TUBGCP3: variants seen among roughly 807,000 people sequenced by gnomAD.
TUBGCP3 encodes the protein gamma-tubulin complex component 3.
TUBGCP3 carries 50 observed loss-of-function variants against 123.1 expected under a neutral mutation model. The observed-to-expected ratio is 0.41, with a 90% CI of 0.32 to 0.51. The LOEUF is 0.51. Among genes scored for constraint, TUBGCP3 ranks in the 20% least tolerant of loss-of-function variants. The pLI, the probability that TUBGCP3 is intolerant of heterozygous loss-of-function variation, is 0.36. For missense variants in TUBGCP3, 882 were observed against 1,127.0 expected (o/e 0.78, Z 3.11); for synonymous variants, 405 against 413.9 (o/e 0.98, Z 0.26).
intron 17 of TUBGCP3, among the ~76,000 whole-genome samples, chr13:112,505,200 A>G (rs749704164): frequency 2.0e-5 from 3 of 152,022 alleles, no homozygotes; most frequent in Non-Finnish European, 4.4e-5. Context: ...ACGAGCTCAG[A>G]CTCTCCTTTT....
chr13:112,570,380 T>C (rs547525431), intron 1 of TUBGCP3, among the ~76,000 whole-genome samples: 2 of 152,296 alleles, frequency 1.3e-5, no homozygotes, highest in South Asian at 2.1e-4. Context: ...CCAACCACCA[T>C]ATTAAAGAAA....
chr13:112,521,761 A>G, intron 14 of TUBGCP3: 1 of 985,396 alleles, frequency 1.0e-6, no homozygotes, highest in Non-Finnish European at 1.2e-6. Flanking sequence ...TGGGATGCTC[A>G]TGCCCAGGCT....
chr13:112,553,299 C>T (rs1344187975), intron 8 of TUBGCP3, among the ~76,000 whole-genome samples: 1 of 152,264 alleles, frequency 6.6e-6, no homozygotes, highest in African/African-American at 2.4e-5. Flanking sequence ...ACTCACCAGC[C>T]ACCCTCCTAC....
chr13:112,512,630 G>A (rs993308764), intron 17 of TUBGCP3, among the ~76,000 whole-genome samples: 11 of 152,062 alleles, frequency 7.2e-5, no homozygotes, highest in Non-Finnish European at 1.3e-4. Flanking sequence ...AGCTACTCAT[G>A]AGGATGAGGC....
chr13:112,496,989 A>C (rs959786674), intron 20 of TUBGCP3, among the ~76,000 whole-genome samples: 10 of 151,734 alleles, frequency 6.6e-5, no homozygotes, highest in Non-Finnish European at 4.4e-5. Context: ...CCCTCTCAAA[A>C]AAAAAAAAAA....
intron 14 of TUBGCP3, chr13:112,521,749 C>G: frequency 1.0e-6 from 1 of 985,380 alleles, no homozygotes; most frequent in Non-Finnish European, 1.2e-6. Flanking sequence ...GCTGTGGACC[C>G]CTGGGATGCT....
intron 13 of TUBGCP3, among the ~76,000 whole-genome samples, chr13:112,525,878 C>T (rs1231338173): frequency 6.6e-6 from 1 of 152,182 alleles, no homozygotes; most frequent in Non-Finnish European, 1.5e-5. Context: ...CCTATTCCAA[C>T]ACTTACTGTA....
chr13:112,604,256 T>A, the TUBGCP3 span: 2 of 152,244 alleles, frequency 1.3e-5, no homozygotes, highest in Admixed American at 1.3e-4. Flanking sequence ...TCTTTGGGTA[T>A]CTTTTAGTTT....
At chr13:112,596,059 T>C in the TUBGCP3 span, among the ~76,000 whole-genome samples, 3 of 152,212 alleles carry the variant, frequency 2.0e-5, no homozygotes, top group Non-Finnish European at 4.4e-5. Context: ...CGCAATCTCC[T>C]TTTATGTCCC....
intron 20 of TUBGCP3, among the ~76,000 whole-genome samples, chr13:112,498,079 GCACA>G (rs537989436): frequency 7.3e-4 from 110 of 151,720 alleles, no homozygotes; most frequent in African/African-American, 2.3e-3. Flanking sequence ...TATATGCAAA[GCACA>G]CACACAAACA....
In TUBGCP3 at chr13:112,522,322, T is replaced by TA; in HGVS notation, c.1742dup (p.Pro583ThrfsTer14). 6.4e-7 allele frequency: 1 copy of TA among 1,571,776 alleles called. No homozygotes were observed. Among genetic ancestry groups the TA allele is most frequent in the Non-Finnish European group, 8.7e-7 (1 of 1,150,036 alleles). On this transcript the variant is annotated frameshift_variant, in exon 14 of 22. Coordinates refer to ENST00000261965, the MANE Select transcript of TUBGCP3 (RefSeq NM_006322.6). LOFTEE classifies it high-confidence loss of function. ...TAGAAATCAAAATAGTGCCTTACTT[T>TA]AGCAAGTCCATTAAGTGCCTTATAA...
intron 8 of TUBGCP3, among the ~76,000 whole-genome samples, chr13:112,549,566 T>C (rs1879380349): frequency 2.0e-5 from 3 of 152,214 alleles, no homozygotes; most frequent in Non-Finnish European, 4.4e-5. Context: ...TTTTCTTTCA[T>C]GCTCTTAATT....
intron 10 of TUBGCP3, chr13:112,547,415 G>T: frequency 1.2e-6 from 1 of 821,328 alleles, no homozygotes; most frequent in African/African-American, 1.7e-5. Context: ...AATCAACACG[G>T]CCATTAAGGA....
intron 20 of TUBGCP3, among the ~76,000 whole-genome samples, chr13:112,495,226 A>G (rs1053385697): frequency 6.6e-5 from 10 of 152,200 alleles, no homozygotes; most frequent in African/African-American, 2.4e-4. Flanking sequence ...ATCCATTTTG[A>G]TTTGATTTTT....
At chr13:112,570,801 C>T (rs1216793516) in intron 1 of TUBGCP3, among the ~76,000 whole-genome samples, 1 of 152,212 alleles carries the variant, frequency 6.6e-6, no homozygotes, top group African/African-American at 2.4e-5. Context: ...GAAGCCAGTC[C>T]TCTTAAACCC....
chr13:112,564,708 G>A (rs4907725), intron 3 of TUBGCP3, among the ~76,000 whole-genome samples: 24,000 of 152,084 alleles, frequency 0.16, 2,153 homozygotes, highest in East Asian at 0.21. Context: ...ATCCAACCAC[G>A]TTCAAAATCA....
Position 112,588,117 on chromosome 13 carries a change from A to T in TUBGCP3, c.-137T>A, listed in dbSNP as rs1882768053. 1 of 669,068 alleles carries T rather than the reference A, an allele frequency of 1.5e-6. No individual in the cohort carries two copies. The highest frequency in any genetic ancestry group is 2.2e-6 in the Non-Finnish European group (1 of 458,640). The allele number at this position is 669,068 out of a possible 1,614,324, so 41.4% of individuals were successfully genotyped here. On this transcript the variant is annotated 5_prime_UTR_variant, in exon 1 of 22. Coordinates refer to ENST00000261965, the MANE Select transcript of TUBGCP3 (RefSeq NM_006322.6). ...GGCTAAGGCGCGGGCGCCGCCGGCC[A>T]CCAGGGCGCCATTTTAACGGAACCC... is the stretch of plus-strand genomic sequence containing the variant.
chr13:112,506,639 T>C (rs955959885), intron 17 of TUBGCP3, among the ~76,000 whole-genome samples: 3 of 152,186 alleles, frequency 2.0e-5, no homozygotes, highest in East Asian at 1.9e-4. Flanking sequence ...CACACAGATA[T>C]GGTCAATGTG....
chr13:112,551,605 G>C (rs1426715831), intron 8 of TUBGCP3, among the ~76,000 whole-genome samples: 2 of 152,172 alleles, frequency 1.3e-5, no homozygotes, highest in African/African-American at 4.8e-5. Context: ...CTTTGGAACA[G>C]AGTGACACGT....
Sources: allele counts gnomAD v4.1 joint callset (sites outside exome capture counted in the v4.1 genomes callset), GRCh38; gene constraint gnomAD v4.1.1; transcripts MANE v1.5; gene names NCBI Gene and HGNC (gene_info 2026-07-23, HGNC 2026-07-21).